BDH1: variants seen among roughly 807,000 people sequenced by gnomAD.
BDH1 encodes D-beta-hydroxybutyrate dehydrogenase, mitochondrial.
Under a neutral mutation model 33.1 loss-of-function variants are expected in BDH1, and 30 were observed. The observed-to-expected ratio is 0.91, with a 90% CI of 0.68 to 1.23. BDH1 has a LOEUF of 1.23. Ranked by LOEUF, BDH1 falls within the 50% of genes most tolerant of loss-of-function variation. The pLI, the probability that BDH1 is intolerant of heterozygous loss-of-function variation, is 0.00. For synonymous variants in BDH1, 190 were observed against 183.6 expected, an observed-to-expected ratio of 1.03 and a Z score of -0.28; for missense variants, 443 against 464.4, an observed-to-expected ratio of 0.95 and a Z score of 0.42.
chr3:197,545,835 G>C (rs1271525357), intron 3 of BDH1, among the ~76,000 whole-genome samples: 1 of 152,224 alleles, frequency 6.6e-6, no homozygotes, highest in Non-Finnish European at 1.5e-5. Flanking sequence ...AAAATAAAAA[G>C]GGTTTTAAGA....
rs770729762 is a variant in BDH1 at position 197,528,301 on chromosome 3, T to TAA, written c.267+4110_267+4111insTT. ...GTGTAGGTCTGTATGAGTGAGTGAG[T>TAA]GAGTGTGTGTGTGTGTGTGTGTGTG... On this transcript the variant is annotated intron_variant, in intron 5 of 7. Transcript: ENST00000392379. This position sits in a 1 kb window ranked among gnomAD's most constrained non-coding sequence, Gnocchi z 5.1. 0.037 allele frequency: 5,047 copies of TAA among 136,742 alleles called. 172 individuals are homozygous for TAA. The highest frequency in any genetic ancestry group is 0.099 in the African/African-American group (3,571 of 36,076). The allele number at this position is 136,742 out of a possible 1,614,324, so 8.5% of individuals were successfully genotyped here.
At chr3:197,530,571 C>T (rs1000264423) in intron 5 of BDH1, 1 of 148,808 alleles carries the variant, frequency 6.7e-6, no homozygotes, top group African/African-American at 2.5e-5. Context: ...AGCAAAACTC[C>T]ATCTCAAAAA....
chr3:197,546,152 G>A (rs1026157840), intron 3 of BDH1: 1 of 498,110 alleles, frequency 2.0e-6, no homozygotes, highest in Non-Finnish European at 3.6e-6. Context: ...AAAAAAATAA[G>A]TGGTTATGAA....
rs374989360 is a variant in BDH1, at chr3:197,526,328, C to T, written c.268-3547G>A. 6.6e-5 allele frequency among the ~76,000 whole-genome samples: 10 copies of T among 152,328 alleles called. No individual in the cohort carries two copies. The South Asian group carries it at 2.1e-3, about 32-fold the overall frequency. ...CACTGTTTTCTAGCTCCTCTCCCCT[C>T]CTATTCTTAACTTCTGACCCTTCCA... is the stretch of plus-strand genomic sequence containing the variant. On this transcript the variant is annotated intron_variant, in intron 5 of 7. Coordinates refer to ENST00000392379, the MANE Select transcript of BDH1 (RefSeq NM_203314.3). The surrounding 1 kb of genome is among the most constrained non-coding windows in gnomAD (Gnocchi z 4.7).
At chr3:197,551,900 C>A (rs1716602367) in intron 2 of BDH1, among the ~76,000 whole-genome samples, 1 of 152,172 alleles carries the variant, frequency 6.6e-6, no homozygotes, top group Non-Finnish European at 1.5e-5. Flanking sequence ...GAGAACAGGG[C>A]TTGCCTACCA....
chr3:197,540,077 GTC>G (rs931693117), intron 3 of BDH1, among the ~76,000 whole-genome samples: 3 of 151,880 alleles, frequency 2.0e-5, no homozygotes, highest in South Asian at 4.2e-4. Flanking sequence ...TTTAGACAGC[GTC>G]TCTCTCTTTC....
chr3:197,515,617 C>T (rs1712619820), intron 6 of BDH1: 2 of 985,430 alleles, frequency 2.0e-6, no homozygotes, highest in Non-Finnish European at 1.2e-6. Flanking sequence ...ACATTAGGAG[C>T]TCAACAAATG....
intron 6 of BDH1, among the ~76,000 whole-genome samples, chr3:197,517,564 C>A (rs1712917101): frequency 4.4e-5 from 1 of 22,776 alleles, no homozygotes; most frequent in Non-Finnish European, 9.0e-5. Flanking sequence ...TTCAGGCCGA[C>A]CCCCCCATCA....
rs1481143696 is a variant in BDH1, at chr3:197,520,121, C to T, written c.409+2519G>A. 1.3e-5 allele frequency among the ~76,000 whole-genome samples: 2 copies of T among 152,024 alleles called. No homozygotes were observed. The highest frequency in any genetic ancestry group is 2.9e-5 in the Non-Finnish European group (2 of 68,012). ...GCCGGCATTGCCTGAGGGGGAATTG[C>T]CAAGGCAAGGCCAAGACATGGCAGA... is the stretch of plus-strand genomic sequence containing the variant. On this transcript the variant is annotated intron_variant, in intron 6 of 7. Coordinates refer to ENST00000392379, the MANE Select transcript of BDH1 (RefSeq NM_203314.3). This position sits in a 1 kb window ranked among gnomAD's most constrained non-coding sequence, Gnocchi z 6.0.
chr3:197,548,178 T>C (rs1479001989), intron 2 of BDH1, among the ~76,000 whole-genome samples: 1 of 152,216 alleles, frequency 6.6e-6, no homozygotes, highest in Non-Finnish European at 1.5e-5. Context: ...GAAGTTTCCA[T>C]GGAAAGCTCC....
rs1712521755 is a variant in BDH1, at chr3:197,514,865, C to T, written c.410-449G>A. On this transcript the variant is annotated intron_variant, in intron 6 of 7. Coordinates refer to ENST00000392379, the MANE Select transcript of BDH1 (RefSeq NM_203314.3). This position sits in a 1 kb window ranked among gnomAD's most constrained non-coding sequence, Gnocchi z 4.2. ...CTCTTGCCAGAAGCCAGGGAAATCA[C>T]AGGGGAGGTGGGCACGAGGAGGCAG... 6.6e-6 allele frequency among the ~76,000 whole-genome samples: 1 copy of T among 152,216 alleles called. No homozygotes were observed. The highest frequency in any genetic ancestry group is 6.5e-5 in the Admixed American group (1 of 15,286).
At chr3:197,537,156 T>C (rs149315838) in intron 3 of BDH1, among the ~76,000 whole-genome samples, 1 of 152,050 alleles carries the variant, frequency 6.6e-6, no homozygotes, top group African/African-American at 2.4e-5. Flanking sequence ...GTTCAGCTAA[T>C]TTTTGTATTT....
rs551217162 is a variant in BDH1 at position 197,516,554 on chromosome 3, C to T, written c.410-2138G>A. Reference sequence around the variant, plus strand: ...AACTTTCCTGTAACATCCCCAAGATCGCCTCCGCACCAGTGGCCCCTCAGT... The same window carrying T: ...AACTTTCCTGTAACATCCCCAAGATTGCCTCCGCACCAGTGGCCCCTCAGT... On this transcript the variant is annotated intron_variant, in intron 6 of 7. Coordinates refer to ENST00000392379, the MANE Select transcript of BDH1 (RefSeq NM_203314.3). The surrounding 1 kb of genome is among the most constrained non-coding windows in gnomAD (Gnocchi z 4.2). Among the ~76,000 whole-genome samples the T allele has an allele frequency of 1.9e-3, 283 of 152,174 alleles. 2 individuals carry two copies. Among genetic ancestry groups the T allele is most frequent in the African/African-American group, 6.3e-3 (262 of 41,498 alleles).
At chr3:197,548,062 G>A (rs564795163) in intron 2 of BDH1, among the ~76,000 whole-genome samples, 37 of 152,326 alleles carry the variant, frequency 2.4e-4, no homozygotes, top group African/African-American at 8.4e-4. Context: ...TGCCTAGAAC[G>A]AGCCTGACGC....
At chr3:197,529,083 A>T (rs1487453927) in intron 5 of BDH1, 1 of 152,212 alleles carries the variant, frequency 6.6e-6, no homozygotes. Flanking sequence ...CAGGGATGCC[A>T]CACCCATTCC....
chr3:197,513,122 T>G, intron 7 of BDH1, among the ~76,000 whole-genome samples: 1 of 152,210 alleles, frequency 6.6e-6, no homozygotes. Flanking sequence ...GAGAGAGTCC[T>G]GGGCACTGGG....
In BDH1 at chr3:197,512,172, C is replaced by A; in HGVS notation, c.755G>T (p.Ser252Ile). 6.2e-7 allele frequency: 1 copy of A among 1,614,154 alleles called. No individual in the cohort carries two copies. Among genetic ancestry groups the A allele is most frequent in the South Asian group, 1.1e-5 (1 of 91,088 alleles). Residue 252 changes from serine to isoleucine, a missense_variant, in exon 8 of 8, where the codon AGC (serine) becomes ATC (isoleucine). By Grantham distance (142) the Ser-to-Ile change is moderately radical. Transcript: ENST00000392379. ...IAATSLYSPE[S>I]IQAIAKKMWE... is the part of the protein sequence containing the mutation. ...CATCTTCTTGGCGATGGCCTGAATG[C>A]TCTCAGGGCTGTAAAGGCTGGTGGC...
At chr3:197,560,531 C>T (rs987704211), upstream of BDH1, among the ~76,000 whole-genome samples, 8 of 152,184 alleles carry the variant, frequency 5.3e-5, no homozygotes, top group East Asian at 5.8e-4. Flanking sequence ...AGCAGTAGGG[C>T]GGATGTGTCA....
At chr3:197,552,431 G>C (rs1716653504) in intron 2 of BDH1, among the ~76,000 whole-genome samples, 1 of 152,138 alleles carries the variant, frequency 6.6e-6, no homozygotes, top group Admixed American at 6.5e-5. Context: ...CCAAACTCCT[G>C]CCAGAGTAAA....
Sources: gnomAD v4.1 joint callset for allele counts (sites outside exome capture counted in the v4.1 genomes callset) on GRCh38, gnomAD v4.1.1 for gene constraint, Gnocchi (gnomAD v3.1) non-coding constraint, MANE v1.5 for transcripts, NCBI Gene and HGNC (gene_info 2026-07-23, HGNC 2026-07-21) for gene names.